Variants in ATP8A2 observed in about 807,000 individuals in gnomAD.
The protein encoded by ATP8A2 is ATPase phospholipid transporting 8A2.
Under a neutral mutation model 165.6 loss-of-function variants are expected in ATP8A2, and 100 were observed. The observed-to-expected ratio is 0.60, with a 90% CI of 0.51 to 0.71. The LOEUF is 0.71. Among genes scored for constraint, ATP8A2 ranks in the 30% least tolerant of loss-of-function variants. ATP8A2 has a pLI of 0.00. For synonymous variants in ATP8A2, 543 were observed against 548.8 expected (o/e 0.99, Z 0.15); for missense variants, 1,227 against 1,479.5 (o/e 0.83, Z 2.80).
intron 36 of ATP8A2, among the ~76,000 whole-genome samples, chr13:26,017,851 C>T (rs1397527556): frequency 6.6e-6 from 1 of 152,186 alleles, no homozygotes; most frequent in Admixed American, 6.5e-5. Context: ...GCTCCTGTAC[C>T]CAGCTGTCTG....
chr13:25,578,276 AT>A (rs1171799429), intron 20 of ATP8A2, among the ~76,000 whole-genome samples: 1 of 152,188 alleles, frequency 6.6e-6, no homozygotes, highest in Non-Finnish European at 1.5e-5. Context: ...CATTTGATGG[AT>A]TATCTGTGGG....
intron 25 of ATP8A2, among the ~76,000 whole-genome samples, chr13:25,711,562 A>AAT (rs535230081): frequency 3.3e-5 from 5 of 151,442 alleles, no homozygotes; most frequent in Non-Finnish European, 5.9e-5. Flanking sequence ...AAAAAAAAAA[A>AAT]TTTTTTTTAA....
intron 32 of ATP8A2, among the ~76,000 whole-genome samples, chr13:25,861,496 G>A (rs999759346): frequency 6.6e-6 from 1 of 152,196 alleles, no homozygotes; most frequent in African/African-American, 2.4e-5. Flanking sequence ...CTTCATGTGT[G>A]TCTCTCATAG....
intron 23 of ATP8A2, among the ~76,000 whole-genome samples, chr13:25,582,361 C>T (rs2039799183): frequency 6.6e-6 from 1 of 152,210 alleles, no homozygotes; most frequent in African/African-American, 2.4e-5. Context: ...AAGAGCCTTG[C>T]ATCTTTCCCT....
At chr13:25,562,715 G>C (rs1386224347) in intron 15 of ATP8A2, among the ~76,000 whole-genome samples, 1 of 73,694 alleles carries the variant, frequency 1.4e-5, no homozygotes, top group East Asian at 2.0e-4. Context: ...TGTTTTGGGA[G>C]GATGCCTAAC....
At chr13:25,878,563 T>C (rs2138841494) in intron 33 of ATP8A2, among the ~76,000 whole-genome samples, 1 of 152,118 alleles carries the variant, frequency 6.6e-6, no homozygotes, top group South Asian at 2.1e-4. Context: ...CTGGCTTCTT[T>C]ATTGCAACCT....
At chr13:25,599,432 G>C (rs560453161) in intron 24 of ATP8A2, among the ~76,000 whole-genome samples, 1 of 152,306 alleles carries the variant, frequency 6.6e-6, no homozygotes, top group African/African-American at 2.4e-5. Flanking sequence ...TGTGTTGCCT[G>C]TTATCCAGTG....
At chr13:25,818,559 T>C (rs1461225040) in intron 27 of ATP8A2, among the ~76,000 whole-genome samples, 2 of 152,208 alleles carry the variant, frequency 1.3e-5, no homozygotes, top group African/African-American at 4.8e-5. Context: ...TAACACCTTT[T>C]GTTAGGATTG....
At chr13:25,376,120 A>AG (rs972321453) in intron 1 of ATP8A2, among the ~76,000 whole-genome samples, 70 of 151,656 alleles carry the variant, frequency 4.6e-4, no homozygotes, top group Non-Finnish European at 8.8e-4. Context: ...AAATGAAAAA[A>AG]AAATTCGGAG....
chr13:25,764,917 G>C (rs549180378), intron 25 of ATP8A2, among the ~76,000 whole-genome samples: 1 of 152,134 alleles, frequency 6.6e-6, no homozygotes, highest in African/African-American at 2.4e-5. Context: ...GATCGGAGGA[G>C]GTAAAGAATC....
intron 33 of ATP8A2, among the ~76,000 whole-genome samples, chr13:25,935,356 T>C (rs1954855658): frequency 6.6e-6 from 1 of 152,222 alleles, no homozygotes; most frequent in Admixed American, 6.5e-5. Flanking sequence ...CAACTTCCCC[T>C]GCTGGGCAGT....
At chr13:25,893,913 G>C (rs1467243346) in intron 33 of ATP8A2, among the ~76,000 whole-genome samples, 5 of 152,166 alleles carry the variant, frequency 3.3e-5, no homozygotes, top group Admixed American at 3.3e-4. Context: ...TTCTTTTCTT[G>C]TAAATTTGTT....
At chr13:25,757,614 T>C (rs1288279034) in intron 25 of ATP8A2, among the ~76,000 whole-genome samples, 1 of 152,140 alleles carries the variant, frequency 6.6e-6, no homozygotes, top group African/African-American at 2.4e-5. Flanking sequence ...TCAGTCGCAG[T>C]TGGGTTGATG....
chr13:25,973,056 T>A (rs1465009058), intron 35 of ATP8A2, among the ~76,000 whole-genome samples: 1 of 151,692 alleles, frequency 6.6e-6, no homozygotes, highest in Non-Finnish European at 1.5e-5. Flanking sequence ...TTGGTGGGAG[T>A]GGGGTGGGGT....
intron 33 of ATP8A2, among the ~76,000 whole-genome samples, chr13:25,916,555 A>G (rs2139012484): frequency 6.6e-6 from 1 of 152,316 alleles, no homozygotes. Context: ...CACTGATCAG[A>G]CATAAAGTTA....
At chr13:25,628,563 A>G (rs1052854168) in intron 24 of ATP8A2, among the ~76,000 whole-genome samples, 7 of 151,914 alleles carry the variant, frequency 4.6e-5, no homozygotes, top group African/African-American at 1.5e-4. Context: ...AAATACCACA[A>G]ACTGGGTGGT....
chr13:25,493,420 A>G (rs1357820488), intron 2 of ATP8A2, among the ~76,000 whole-genome samples: 1 of 152,072 alleles, frequency 6.6e-6, no homozygotes, highest in Non-Finnish European at 1.5e-5. Context: ...CGCTTAAACC[A>G]TTTGTTGGTG....
intron 24 of ATP8A2, among the ~76,000 whole-genome samples, chr13:25,688,209 GA>G (rs1347824524): frequency 6.6e-6 from 1 of 152,162 alleles, no homozygotes; most frequent in Admixed American, 6.5e-5. Flanking sequence ...TCCTGCCTAA[GA>G]GTTAATTACA....
chr13:25,986,103 A>T (rs1359864425), intron 35 of ATP8A2, among the ~76,000 whole-genome samples: 1 of 152,176 alleles, frequency 6.6e-6, no homozygotes, highest in Non-Finnish European at 1.5e-5. Context: ...ACAAATAAAA[A>T]TTGTATGTAT....
Sources: allele counts gnomAD v4.1 joint callset (sites outside exome capture counted in the v4.1 genomes callset), GRCh38; gene constraint gnomAD v4.1.1; transcripts MANE v1.5; gene names NCBI Gene and HGNC (gene_info 2026-07-23, HGNC 2026-07-21).